The following EML4 variants were observed in gnomAD, a reference collection of about 807,000 sequenced individuals.
EML4 encodes the protein echinoderm microtubule-associated protein-like 4.
A neutral mutation model predicts 129.0 loss-of-function variants in EML4; 72 were observed. The ratio of observed to expected loss-of-function variants is 0.56; its 90% CI spans 0.46 to 0.68. The LOEUF is 0.68. EML4 is among the 30% of genes least tolerant of loss of function. The pLI is 0.00. For missense variants in EML4, 1,363 were observed against 1,190.6 expected (o/e 1.14, Z -2.13); for synonymous variants, 532 against 405.0 (o/e 1.31, Z -3.77).
At chr2:42,203,477 T>G (rs182942506) in intron 1 of EML4, among the ~76,000 whole-genome samples, 1 of 152,192 alleles carries the variant, frequency 6.6e-6, no homozygotes, top group Admixed American at 6.5e-5. Flanking sequence ...ATTAAACTTA[T>G]TAATATAACA....
At chr2:42,307,717 G>A (rs1411462255) in intron 17 of EML4, among the ~76,000 whole-genome samples, 1 of 152,178 alleles carries the variant, frequency 6.6e-6, no homozygotes, top group Non-Finnish European at 1.5e-5. Context: ...GCAATGGCAT[G>A]ATCCCAGTTC....
chr2:42,169,501 G>A lies in EML4; in HGVS notation c.-111G>A, dbSNP rs1670121639. The A allele has an allele frequency of 3.0e-6, 4 of 1,318,258 alleles. No individual in the cohort carries two copies. In the South Asian group the frequency reaches 4.2e-5, roughly 14 times the overall value. 81.7% of individuals were successfully genotyped at this position (1,318,258 alleles called of 1,614,324 possible). On this transcript the variant is annotated 5_prime_UTR_variant, in exon 1 of 23. Coordinates refer to ENST00000318522, the MANE Select transcript of EML4 (RefSeq NM_019063.5). ...GACGGAGGCGGGAGCCGGTAGCCGA[G>A]CCGGGCGACCTAGAGAACGAGCGGG...
At chr2:42,225,295 G>A (rs965619827) in intron 1 of EML4, among the ~76,000 whole-genome samples, 1 of 152,046 alleles carries the variant, frequency 6.6e-6, no homozygotes, top group African/African-American at 2.4e-5. Context: ...TTGTCATATG[G>A]TAATCCTGTT....
At chr2:42,290,046 C>G (rs1667540223) in intron 11 of EML4, 1 of 152,048 alleles carries the variant, frequency 6.6e-6, no homozygotes, top group Non-Finnish European at 1.5e-5. Context: ...GAGATCACGC[C>G]ATTGCACTCC....
intron 1 of EML4, among the ~76,000 whole-genome samples, chr2:42,174,491 A>G (rs770205478): frequency 1.1e-4 from 17 of 151,988 alleles, no homozygotes; most frequent in Admixed American, 2.0e-4. Context: ...GGTTTTCACT[A>G]TGTTGGCCAG....
At chr2:42,183,028 C>T (rs1194306559) in intron 1 of EML4, among the ~76,000 whole-genome samples, 11 of 152,098 alleles carry the variant, frequency 7.2e-5, no homozygotes, top group Non-Finnish European at 1.3e-4. Flanking sequence ...TGGTGGTGCA[C>T]TCCTGTGATA....
intron 1 of EML4, among the ~76,000 whole-genome samples, chr2:42,227,351 C>A (rs1385104581): frequency 6.6e-6 from 1 of 152,100 alleles, no homozygotes. Flanking sequence ...AAGCAATGCT[C>A]CCACCTCAGC....
chr2:42,219,933 A>G (rs908616326), intron 1 of EML4, among the ~76,000 whole-genome samples: 2 of 151,906 alleles, frequency 1.3e-5, no homozygotes, highest in African/African-American at 2.4e-5. Flanking sequence ...CTAAAAAAAA[A>G]AAAAAAAGGA....
chr2:42,284,285 C>T (rs1178293404), intron 8 of EML4, among the ~76,000 whole-genome samples: 1 of 152,180 alleles, frequency 6.6e-6, no homozygotes, highest in Non-Finnish European at 1.5e-5. Flanking sequence ...TAAAATTAAA[C>T]AGCACAATAT....
chr2:42,198,900 G>A (rs1161642783), intron 1 of EML4, among the ~76,000 whole-genome samples: 1 of 152,218 alleles, frequency 6.6e-6, no homozygotes. Flanking sequence ...AAGCTGGGCA[G>A]TCAAAATGTT....
chr2:42,245,826 C>A (rs908506743), intron 2 of EML4, 139 bp downstream of exon 2: 15 of 756,106 alleles, frequency 2.0e-5, no homozygotes, highest in African/African-American at 1.3e-4. Flanking sequence ...TTTTTAATTC[C>A]CAAAAAGTTC....
intron 7 of EML4, 65 bp from the exon 8 acceptor site, chr2:42,282,758 A>C (rs149127268): frequency 2.1e-6 from 3 of 1,403,350 alleles, no homozygotes; most frequent in Non-Finnish European, 3.0e-6. Context: ...TTAAGTATCC[A>C]TGAAAAATCT....
intron 2 of EML4, among the ~76,000 whole-genome samples, chr2:42,247,665 T>G (rs1419500839): frequency 6.6e-6 from 1 of 151,502 alleles, no homozygotes; most frequent in Non-Finnish European, 1.5e-5. Flanking sequence ...CTTGCTTGAT[T>G]TATTTATTTA....
intron 17 of EML4, among the ~76,000 whole-genome samples, chr2:42,306,660 A>AT (rs139564809): frequency 1.2e-3 from 165 of 143,196 alleles, no homozygotes; most frequent in Middle Eastern, 7.2e-3. Flanking sequence ...CGCCTGGCTA[A>AT]TTTTTTTTTT....
At chr2:42,219,947 C>G (rs551884365) in intron 1 of EML4, among the ~76,000 whole-genome samples, 3 of 149,298 alleles carry the variant, frequency 2.0e-5, no homozygotes. Flanking sequence ...AAAAGGAAAA[C>G]TCTTTTTTGC....
At chr2:42,253,569 C>T (rs951010580) in intron 2 of EML4, among the ~76,000 whole-genome samples, 2 of 152,008 alleles carry the variant, frequency 1.3e-5, no homozygotes, top group African/African-American at 2.4e-5. Flanking sequence ...AAGAGAGACT[C>T]GAGATAAACT....
chr2:42,225,993 AAAT>A (rs1224007045), intron 1 of EML4, among the ~76,000 whole-genome samples: 6 of 152,106 alleles, frequency 3.9e-5, no homozygotes, highest in African/African-American at 1.4e-4. Context: ...ATTTTTAAGG[AAAT>A]AATGCTACCC....
intron 2 of EML4, among the ~76,000 whole-genome samples, chr2:42,247,029 G>A (rs1675449683): frequency 6.6e-6 from 1 of 152,176 alleles, no homozygotes; most frequent in African/African-American, 2.4e-5. Context: ...GGAAGACGGT[G>A]GTAATAGCTA....
At chr2:42,321,106 G>A (rs571072450) in intron 19 of EML4, among the ~76,000 whole-genome samples, 7 of 152,008 alleles carry the variant, frequency 4.6e-5, no homozygotes, top group Admixed American at 2.6e-4. Flanking sequence ...GTACCAGGCC[G>A]GGTGCTGTGG....
Sources: gnomAD v4.1 joint callset for allele counts (sites outside exome capture counted in the v4.1 genomes callset) on GRCh38, gnomAD v4.1.1 for gene constraint, MANE v1.5 for transcripts, NCBI Gene and HGNC (gene_info 2026-07-23, HGNC 2026-07-21) for gene names.